The following FGF13 variants were observed in gnomAD, a reference collection of about 807,000 sequenced individuals.
FGF13 encodes fibroblast growth factor homologous factor 2.
A neutral mutation model predicts 19.5 loss-of-function variants in FGF13; 2 were observed. The ratio of observed to expected loss-of-function variants is 0.10; its 90% CI spans 0.04 to 0.32. FGF13 has a LOEUF of 0.32. Among genes scored for constraint, FGF13 ranks in the 10% least tolerant of loss-of-function variants. FGF13 has a pLI of 1.00. For synonymous variants in FGF13, 72 were observed against 76.9 expected (o/e 0.94, Z 0.33); for missense variants, 113 against 192.7 (o/e 0.59, Z 2.45).
In FGF13 at chrX:138,835,365, T is replaced by C. The variant is rs749357457; in HGVS notation, c.217+22147A>G. Among the ~76,000 whole-genome samples, 15 of 112,426 alleles carry C rather than the reference T, an allele frequency of 1.3e-4. No individual in the cohort carries two copies. In the South Asian group the frequency reaches 5.1e-3, roughly 38 times the overall value. ...TGGGTGCATAAATATTTAGGATAGTTAGATCTTCTTGTCCAACTGAACCCT... is the reference window on the plus strand; with the variant it reads ...TGGGTGCATAAATATTTAGGATAGTCAGATCTTCTTGTCCAACTGAACCCT... On this transcript the variant is annotated intron_variant, in intron 3 of 6. Coordinates refer to the FGF13 transcript ENST00000436198.
intron 2 of FGF13, among the ~76,000 whole-genome samples, chrX:138,707,169 GGT>G (rs374444436): frequency 2.7e-5 from 3 of 110,876 alleles, no homozygotes; most frequent in African/African-American, 9.8e-5. Flanking sequence ...ATGCGTGTGT[GGT>G]GTGTGTGTGT....
chrX:139,031,522 A>G (rs1305585521), intron 1 of FGF13, among the ~76,000 whole-genome samples: 1 of 111,003 alleles, frequency 9.0e-6, no homozygotes, highest in African/African-American at 3.3e-5. Flanking sequence ...CAATATCATT[A>G]CTCCCATTTT....
chrX:138,807,836 A>G (rs1053094246), intron 3 of FGF13, among the ~76,000 whole-genome samples: 4 of 111,971 alleles, frequency 3.6e-5, no homozygotes, highest in African/African-American at 1.3e-4. Flanking sequence ...AAAGATCAAA[A>G]GAGACAAAGG....
At chrX:139,188,788 CA>C (rs747625901) in intron 1 of FGF13, among the ~76,000 whole-genome samples, 19 of 112,150 alleles carry the variant, frequency 1.7e-4, no homozygotes, top group African/African-American at 5.8e-4. Context: ...CAGATAAAAA[CA>C]AATAAAAATG....
chrX:138,684,344 T>A (rs945047256), intron 3 of FGF13, among the ~76,000 whole-genome samples: 4 of 111,717 alleles, frequency 3.6e-5, no homozygotes, highest in Non-Finnish European at 7.5e-5. Flanking sequence ...ACACACATAA[T>A]TTGAACCTCC....
intron 1 of FGF13, among the ~76,000 whole-genome samples, chrX:139,182,265 TCCACA>T (rs2084246367): frequency 1.8e-5 from 2 of 111,832 alleles, no homozygotes; most frequent in Middle Eastern, 4.2e-3. Flanking sequence ...ATGTTGAAGG[TCCACA>T]CAGCAAAAGG....
In FGF13 at chrX:138,626,041, G is replaced by A. The variant is rs1003955231; in HGVS notation, c.*6809C>T. The A allele has an allele frequency of 2.7e-5, 3 of 110,822 alleles. No homozygotes were observed. Among genetic ancestry groups the A allele is most frequent in the Non-Finnish European group, 5.6e-5 (3 of 53,164 alleles). The allele number at this position is 110,822 out of a possible 1,213,427, so 9.1% of individuals were successfully genotyped here. On this transcript the variant is annotated 3_prime_UTR_variant, in exon 5 of 5. Coordinates refer to ENST00000315930, the MANE Select transcript of FGF13 (RefSeq NM_004114.5). Reference sequence around the variant, plus strand: ...GGTTGTGAATCATACTTTGCTCAGAGTCTATTTTCTTTCTTTCATTTTGTC... The same window carrying A: ...GGTTGTGAATCATACTTTGCTCAGAATCTATTTTCTTTCTTTCATTTTGTC...
chrX:138,831,277 G>A lies in FGF13; in HGVS notation c.217+26235C>T, dbSNP rs1420830240. 2.7e-5 allele frequency among the ~76,000 whole-genome samples: 3 copies of A among 111,559 alleles called. No homozygotes were observed. The East Asian group carries it at 8.5e-4, about 31-fold the overall frequency. On this transcript the variant is annotated intron_variant, in intron 3 of 6. Coordinates refer to the FGF13 transcript ENST00000436198. ...TGGAGCCACCACAGAGAGACTACTA[G>A]GGCAATGACTAGAGGAGCCATGGGA...
At chrX:138,903,543 T>C (rs1425849900) in intron 1 of FGF13, among the ~76,000 whole-genome samples, 3 of 111,519 alleles carry the variant, frequency 2.7e-5, no homozygotes, top group South Asian at 7.6e-4. Context: ...CCCCAACAAG[T>C]AGATTAAACG....
chrX:138,735,334 A>G (rs187409936), intron 1 of FGF13, among the ~76,000 whole-genome samples: 24 of 111,347 alleles, frequency 2.2e-4, no homozygotes, highest in African/African-American at 7.5e-4. Context: ...AATAACACCT[A>G]CTCTGTTGTA....
intron 1 of FGF13, among the ~76,000 whole-genome samples, chrX:139,170,593 C>T (rs957359788): frequency 1.2e-4 from 13 of 111,759 alleles, no homozygotes; most frequent in Non-Finnish European, 2.4e-4. Context: ...AATTCATATC[C>T]ATCCTTCAAG....
At chrX:139,040,228 C>T (rs2092264530) in intron 1 of FGF13, among the ~76,000 whole-genome samples, 1 of 112,207 alleles carries the variant, frequency 8.9e-6, no homozygotes, top group Admixed American at 9.5e-5. Context: ...ATAACTTGCC[C>T]TCTGGTCTGA....
chrX:139,136,648 T>A (rs773962196), intron 1 of FGF13, among the ~76,000 whole-genome samples: 1 of 110,672 alleles, frequency 9.0e-6, no homozygotes, highest in Admixed American at 9.6e-5. Context: ...CCTCCAAGAG[T>A]CCTCTCCCAG....
intron 3 of FGF13, among the ~76,000 whole-genome samples, chrX:138,768,560 A>G (rs1336948446): frequency 1.8e-5 from 2 of 109,353 alleles, no homozygotes; most frequent in Non-Finnish European, 3.8e-5. Context: ...ATTTTACGAC[A>G]AAATTAAAAT....
intron 1 of FGF13, among the ~76,000 whole-genome samples, chrX:139,125,430 A>AT (rs958190447): frequency 5.4e-5 from 6 of 111,169 alleles, no homozygotes; most frequent in Admixed American, 1.9e-4. Flanking sequence ...AATGAAAACT[A>AT]TTTTTTTTCT....
chrX:139,001,420 T>G (rs1339290766), intron 1 of FGF13, among the ~76,000 whole-genome samples: 2 of 110,194 alleles, frequency 1.8e-5, no homozygotes, highest in Non-Finnish European at 3.8e-5. Context: ...TAGGAGAAAA[T>G]TTTTGCAATC....
chrX:138,787,826 T>A (rs1431878497), intron 3 of FGF13, among the ~76,000 whole-genome samples: 1 of 109,612 alleles, frequency 9.1e-6, no homozygotes, highest in Non-Finnish European at 1.9e-5. Context: ...ATAAGGTCAC[T>A]AATCCCATCA....
chrX:139,046,318 C>T (rs1035242565), intron 1 of FGF13, among the ~76,000 whole-genome samples: 3 of 111,245 alleles, frequency 2.7e-5, no homozygotes, highest in African/African-American at 9.9e-5. Context: ...AGGGATCCGC[C>T]CCCATAATCC....
chrX:138,814,607 G>A (rs779877794), intron 3 of FGF13, among the ~76,000 whole-genome samples: 3 of 110,930 alleles, frequency 2.7e-5, no homozygotes, highest in East Asian at 5.7e-4. Flanking sequence ...AAAAATGCTC[G>A]ACATCCTAAT....
Sources: allele counts gnomAD v4.1 joint callset (sites outside exome capture counted in the v4.1 genomes callset), GRCh38; gene constraint gnomAD v4.1.1; transcripts MANE v1.5; gene names NCBI Gene and HGNC (gene_info 2026-07-23, HGNC 2026-07-21).